Variants in DMD observed in about 807,000 individuals in gnomAD.
DMD encodes the protein mutant dystrophin.
In DMD, 63 loss-of-function variants were observed where a neutral mutation model predicts 330.1. The observed-to-expected ratio is 0.19, with a 90% CI of 0.16 to 0.24. DMD has a LOEUF of 0.24. Ranked by LOEUF, DMD falls within the 10% of genes least tolerant of loss-of-function variation. DMD has a pLI of 1.00. For synonymous variants in DMD, 1,223 were observed against 959.8 expected, an observed-to-expected ratio of 1.27 and a Z score of -5.07; for missense variants, 3,344 against 2,684.1, an observed-to-expected ratio of 1.25 and a Z score of -5.43.
At chrX:32,484,665 T>C (rs1231078967) in intron 21 of DMD, among the ~76,000 whole-genome samples, 2 of 112,239 alleles carry the variant, frequency 1.8e-5, no homozygotes, top group African/African-American at 3.2e-5. Flanking sequence ...TTTTGAAATC[T>C]ACAATCCCCC....
At chrX:32,691,083 G>A (rs903010813) in intron 9 of DMD, among the ~76,000 whole-genome samples, 1 of 110,950 alleles carries the variant, frequency 9.0e-6, no homozygotes. Context: ...TATATATTAT[G>A]AGAATTATTT....
At chrX:31,855,888 T>A (rs1432458791) in intron 48 of DMD, among the ~76,000 whole-genome samples, 1 of 112,325 alleles carries the variant, frequency 8.9e-6, no homozygotes, top group Non-Finnish European at 1.9e-5. Context: ...AGTCTTCATC[T>A]GTGATACCAG....
intron 50 of DMD, among the ~76,000 whole-genome samples, chrX:31,786,751 T>C (rs1485787185): frequency 8.9e-6 from 1 of 111,766 alleles, no homozygotes; most frequent in African/African-American, 3.3e-5. Flanking sequence ...AGTGCAAAGA[T>C]ACAAAAGTCT....
At position 32,454,637 on chromosome X, in the gene DMD, TTAGTTTTTC is replaced by T; in HGVS notation, c.3603+16_3603+24del. 1 of 1,085,366 alleles carries T rather than the reference TTAGTTTTTC, an allele frequency of 9.2e-7. No individual in the cohort carries two copies. Among genetic ancestry groups the T allele is most frequent in the Non-Finnish European group, 1.2e-6 (1 of 808,338 alleles). 89.4% of individuals were successfully genotyped at this position (1,085,366 alleles called of 1,213,427 possible). A position where few individuals can be genotyped will look rare whatever the true frequency, so the allele number is the denominator to read the frequency against. On this transcript the variant is annotated intron_variant, in intron 26 of 78. Coordinates refer to ENST00000357033, the MANE Select transcript of DMD (RefSeq NM_004006.3). Reference sequence around the variant, plus strand: ...TTTCCATTTATTTCCTTTGTTTTACTTAGTTTTTCTTTTTTTTTTTTTACCTTCATCTCT... The same window carrying T: ...TTTCCATTTATTTCCTTTGTTTTACTTTTTTTTTTTTTTACCTTCATCTCT...
chrX:31,250,206 C>A (rs2147461847), intron 63 of DMD, among the ~76,000 whole-genome samples: 1 of 111,818 alleles, frequency 8.9e-6, no homozygotes, highest in African/African-American at 3.3e-5. Context: ...TAGATAAAAG[C>A]AAACCTGTAT....
At chrX:31,314,814 G>A (rs1332696223) in intron 62 of DMD, among the ~76,000 whole-genome samples, 1 of 95,920 alleles carries the variant, frequency 1.0e-5, no homozygotes, top group Non-Finnish European at 2.1e-5. Context: ...CCTGAAGAAA[G>A]TATTTAATAC....
intron 44 of DMD, among the ~76,000 whole-genome samples, chrX:31,971,347 C>A (rs2095397769): frequency 8.9e-6 from 1 of 111,972 alleles, no homozygotes; most frequent in South Asian, 3.6e-4. Flanking sequence ...ACTTTTACAA[C>A]CTAATTGTGG....
chrX:32,736,036 C>T (rs1281048629), intron 7 of DMD, among the ~76,000 whole-genome samples: 1 of 111,575 alleles, frequency 9.0e-6, no homozygotes, highest in African/African-American at 3.3e-5. Context: ...GGGCTAATAT[C>T]CAGAATCTAC....
chrX:32,886,552 A>G (rs112937876), intron 2 of DMD, among the ~76,000 whole-genome samples: 159 of 109,821 alleles, frequency 1.4e-3, no homozygotes, highest in Middle Eastern at 4.7e-3. Context: ...GCGTGGTGGC[A>G]GGCGCCTGTG....
At chrX:32,562,105 T>C (rs1286809051) in intron 16 of DMD, among the ~76,000 whole-genome samples, 6 of 111,837 alleles carry the variant, frequency 5.4e-5, no homozygotes, top group African/African-American at 1.9e-4. Flanking sequence ...TTATAAAAAA[T>C]TACAGGGAAT....
intron 47 of DMD, among the ~76,000 whole-genome samples, chrX:31,894,772 CT>C (rs1444521255): frequency 8.9e-6 from 1 of 111,740 alleles, no homozygotes; most frequent in African/African-American, 3.3e-5. Context: ...GATACTGCGA[CT>C]TTGTAATGTT....
chrX:32,977,728 A>T (rs892450937), intron 2 of DMD, among the ~76,000 whole-genome samples: 12 of 109,982 alleles, frequency 1.1e-4, no homozygotes, highest in Non-Finnish European at 2.3e-4. Flanking sequence ...TATATATATC[A>T]CACTGATATC....
chrX:31,502,415 C>T (rs1357195809), intron 56 of DMD, among the ~76,000 whole-genome samples: 1 of 110,447 alleles, frequency 9.1e-6, no homozygotes, highest in African/African-American at 3.3e-5. Context: ...GTCCAAGTTG[C>T]AGTTTTCTCT....
intron 9 of DMD, among the ~76,000 whole-genome samples, chrX:32,666,283 G>A (rs754936292): frequency 9.1e-6 from 1 of 110,462 alleles, no homozygotes; most frequent in East Asian, 2.9e-4. Flanking sequence ...GTGGTTTGCT[G>A]CACCCATCAA....
At chrX:32,072,931 G>C (rs989589799) in intron 44 of DMD, among the ~76,000 whole-genome samples, 3 of 111,883 alleles carry the variant, frequency 2.7e-5, no homozygotes, top group Non-Finnish European at 5.6e-5. Context: ...TGCAGGCAGG[G>C]CTGCTTCTCT....
chrX:31,394,330 T>C (rs997333164), intron 60 of DMD, among the ~76,000 whole-genome samples: 2 of 112,654 alleles, frequency 1.8e-5, no homozygotes, highest in Non-Finnish European at 3.7e-5. Context: ...TGTAAAAATA[T>C]GATCCTTGTT....
At chrX:32,779,127 G>A (rs773963556) in intron 7 of DMD, among the ~76,000 whole-genome samples, 1 of 111,237 alleles carries the variant, frequency 9.0e-6, no homozygotes, top group East Asian at 2.8e-4. Context: ...GATTATTTAA[G>A]CTAATTGTTC....
At chrX:31,221,440 C>T (rs185859953) in intron 64 of DMD, among the ~76,000 whole-genome samples, 227 of 112,450 alleles carry the variant, frequency 2.0e-3, no homozygotes, top group Non-Finnish European at 3.5e-3. Flanking sequence ...ACATGCTCTT[C>T]TTTCTGACTA....
Position 32,889,577 on chromosome X carries a change from C to A in DMD, c.94-39757G>T, listed in dbSNP as rs1010321170. Among the ~76,000 whole-genome samples the A allele has an allele frequency of 7.2e-5, 8 of 111,013 alleles. No individual in the cohort carries two copies. In the Admixed American group the frequency reaches 7.7e-4, roughly 11 times the overall value. ...GAGTGAAAATAGCCTTAACTGATGA[C>A]ATTCCACCATTGTGATTTGTTTCTG... On this transcript the variant is annotated intron_variant, in intron 2 of 78. Transcript: ENST00000357033.
Sources: allele counts gnomAD v4.1 joint callset (sites outside exome capture counted in the v4.1 genomes callset), GRCh38; gene constraint gnomAD v4.1.1; transcripts MANE v1.5; gene names NCBI Gene and HGNC (gene_info 2026-07-23, HGNC 2026-07-21).